The following CLSTN2 variants were observed in gnomAD, a reference collection of about 807,000 sequenced individuals.
CLSTN2 encodes the protein calsyntenin 2.
A neutral mutation model predicts 101.2 loss-of-function variants in CLSTN2; 48 were observed. That is an observed-to-expected ratio of 0.47 (90% CI 0.38 to 0.60). The LOEUF (loss-of-function observed/expected upper bound fraction) is 0.60, where lower values mean the gene tolerates loss of function less well. Among genes scored for constraint, CLSTN2 ranks in the 20% least tolerant of loss-of-function variants. The pLI is 0.00. For missense variants in CLSTN2, 1,160 were observed against 1,238.2 expected (o/e 0.94, Z 0.95); for synonymous variants, 481 against 463.6 (o/e 1.04, Z -0.48).
chr3:140,458,937 T>C (rs1292113656), intron 6 of CLSTN2, among the ~76,000 whole-genome samples: 4 of 152,192 alleles, frequency 2.6e-5, no homozygotes, highest in Non-Finnish European at 5.9e-5. Context: ...CACTGCATCA[T>C]TTGGCCTCAA....
intron 2 of CLSTN2, among the ~76,000 whole-genome samples, chr3:140,367,682 C>T (rs1318106466): frequency 6.6e-6 from 1 of 152,154 alleles, no homozygotes; most frequent in South Asian, 2.1e-4. Flanking sequence ...GGTTGTGGGG[C>T]TCCACAGCAT....
intron 1 of CLSTN2, among the ~76,000 whole-genome samples, chr3:140,109,131 A>G (rs1032122611): frequency 6.6e-6 from 1 of 152,132 alleles, no homozygotes; most frequent in African/African-American, 2.4e-5. Context: ...GTGAGTCTTT[A>G]TGGGGTCTCA....
At position 140,135,618 on chromosome 3, in the gene CLSTN2, C is replaced by T. The variant is rs1406864302; in HGVS notation, c.110-40333C>T. Among the ~76,000 whole-genome samples, 7 of 152,308 alleles carry T rather than the reference C, an allele frequency of 4.6e-5. No homozygotes were observed. In the South Asian group the frequency reaches 6.2e-4, roughly 14 times the overall value. ...AGCCATTTGGACAGCTCATGGCAGT[C>T]TGCCTTTCATATGCTGAGAGAGGAT... is the stretch of plus-strand genomic sequence containing the variant. On this transcript the variant is annotated intron_variant, in intron 1 of 16. Coordinates refer to ENST00000458420, the MANE Select transcript of CLSTN2 (RefSeq NM_022131.3).
intron 1 of CLSTN2, among the ~76,000 whole-genome samples, chr3:140,100,664 G>T (rs981207014): frequency 6.6e-6 from 1 of 152,220 alleles, no homozygotes; most frequent in African/African-American, 2.4e-5. Context: ...GATCCAGGCT[G>T]TGTGTGGGCC....
At chr3:140,045,582 C>T (rs944731742) in intron 1 of CLSTN2, among the ~76,000 whole-genome samples, 3 of 152,130 alleles carry the variant, frequency 2.0e-5, no homozygotes, top group African/African-American at 7.2e-5. Flanking sequence ...TTTGCTCTTG[C>T]TTCTCTAGTT....
At chr3:140,132,788 A>G (rs1194457230) in intron 1 of CLSTN2, among the ~76,000 whole-genome samples, 2 of 152,188 alleles carry the variant, frequency 1.3e-5, no homozygotes, top group African/African-American at 2.4e-5. Context: ...GTGAATAATC[A>G]CTTCCTTGTA....
intron 2 of CLSTN2, among the ~76,000 whole-genome samples, chr3:140,213,876 C>T (rs1027181691): frequency 6.6e-6 from 1 of 151,966 alleles, no homozygotes; most frequent in Non-Finnish European, 1.5e-5. Context: ...AGAAAAACAC[C>T]CAAGCTGACT....
At chr3:140,490,118 ACACACACACACACACACACAC>A (rs1934323921) in intron 8 of CLSTN2, among the ~76,000 whole-genome samples, 6 of 7,936 alleles carry the variant, frequency 7.6e-4, no homozygotes, top group African/African-American at 1.5e-3. Flanking sequence ...ATATATATAT[ACACACACACACACACACACAC>A]ACACACACAC....
intron 2 of CLSTN2, among the ~76,000 whole-genome samples, chr3:140,308,696 A>T (rs1234153037): frequency 6.6e-6 from 1 of 152,210 alleles, no homozygotes; most frequent in Non-Finnish European, 1.5e-5. Context: ...GACAGTGTTG[A>T]CAGAAACCTC....
At chr3:140,027,421 G>A (rs2007443926) in intron 1 of CLSTN2, among the ~76,000 whole-genome samples, 1 of 152,142 alleles carries the variant, frequency 6.6e-6, no homozygotes, top group Admixed American at 6.5e-5. Context: ...TGAATGCCAA[G>A]CTCCACCAGA....
At chr3:140,256,141 C>A (rs1214099830) in intron 2 of CLSTN2, among the ~76,000 whole-genome samples, 1 of 152,158 alleles carries the variant, frequency 6.6e-6, no homozygotes, top group African/African-American at 2.4e-5. Flanking sequence ...AGCTGAAGAA[C>A]AAGAGAGGCC....
chr3:140,159,688 C>A (rs559261113), intron 1 of CLSTN2, among the ~76,000 whole-genome samples: 1 of 152,206 alleles, frequency 6.6e-6, no homozygotes, highest in African/African-American at 2.4e-5. Flanking sequence ...GAAAACAAGT[C>A]ATTCTACCAA....
intron 2 of CLSTN2, among the ~76,000 whole-genome samples, chr3:140,277,061 C>T (rs991439773): frequency 6.6e-6 from 1 of 152,152 alleles, no homozygotes; most frequent in African/African-American, 2.4e-5. Flanking sequence ...CTAAGCTCCT[C>T]CATGTAATTT....
At chr3:140,322,420 G>A (rs1172410871) in intron 2 of CLSTN2, among the ~76,000 whole-genome samples, 1 of 152,194 alleles carries the variant, frequency 6.6e-6, no homozygotes, top group Non-Finnish European at 1.5e-5. Flanking sequence ...TGCTGGTGGG[G>A]GAGATGGAGG....
intron 2 of CLSTN2, among the ~76,000 whole-genome samples, chr3:140,278,889 G>A (rs1412476067): frequency 1.3e-5 from 2 of 151,812 alleles, no homozygotes; most frequent in Admixed American, 6.6e-5. Flanking sequence ...CTGGCTAATG[G>A]TTTTAATTTT....
intron 1 of CLSTN2, among the ~76,000 whole-genome samples, chr3:139,999,918 G>A (rs1442244159): frequency 6.6e-6 from 1 of 150,798 alleles, no homozygotes; most frequent in African/African-American, 2.5e-5. Flanking sequence ...TCACGCCACT[G>A]CATTCTAACC....
At chr3:140,335,163 G>T (rs1417157818) in intron 2 of CLSTN2, among the ~76,000 whole-genome samples, 2 of 152,186 alleles carry the variant, frequency 1.3e-5, no homozygotes, top group Admixed American at 1.3e-4. Context: ...CTCCAGCTCT[G>T]TGAGTAGTAA....
At chr3:139,938,758 A>T (rs1935072550) in intron 1 of CLSTN2, among the ~76,000 whole-genome samples, 2 of 152,136 alleles carry the variant, frequency 1.3e-5, no homozygotes, top group Admixed American at 1.3e-4. Flanking sequence ...GACCTCAAGG[A>T]CTTGGTACAC....
chr3:140,562,004 T>C, intron 12 of CLSTN2, 134 bp from the exon 13 acceptor site: 1 of 673,366 alleles, frequency 1.5e-6, no homozygotes, highest in Non-Finnish European at 2.5e-6. Flanking sequence ...GGATGTGGTA[T>C]TTGGGATCAC....
Sources: gnomAD v4.1 joint callset for allele counts (sites outside exome capture counted in the v4.1 genomes callset) on GRCh38, gnomAD v4.1.1 for gene constraint, MANE v1.5 for transcripts, NCBI Gene and HGNC (gene_info 2026-07-23, HGNC 2026-07-21) for gene names.